The following PELI2 variants were observed in gnomAD, a reference collection of about 807,000 sequenced individuals.
PELI2 encodes the protein pellino E3 ubiquitin protein ligase family member 2.
In PELI2, 23 loss-of-function variants were observed where a neutral mutation model predicts 42.3. That is an observed-to-expected ratio of 0.54 (90% CI 0.39 to 0.77). The LOEUF (loss-of-function observed/expected upper bound fraction) is 0.77, where lower values mean the gene tolerates loss of function less well. PELI2 is among the 30% of genes least tolerant of loss of function. PELI2 has a pLI of 0.00. For missense variants in PELI2, 463 were observed against 553.2 expected (o/e 0.84, Z 1.64); for synonymous variants, 245 against 212.2 (o/e 1.15, Z -1.34).
chr14:56,211,111 A>G (rs1201789183), intron 2 of PELI2, among the ~76,000 whole-genome samples: 1 of 152,154 alleles, frequency 6.6e-6, no homozygotes, highest in African/African-American at 2.4e-5. Context: ...TACGCTGTCA[A>G]CTGAGAAGTG....
intron 2 of PELI2, among the ~76,000 whole-genome samples, chr14:56,254,232 C>G (rs2139820761): frequency 6.6e-6 from 1 of 152,268 alleles, no homozygotes; most frequent in Middle Eastern, 3.4e-3. Flanking sequence ...AACCCCGTCT[C>G]TACCAAATAT....
At position 56,209,578 on chromosome 14, in the gene PELI2, G is replaced by GT. The variant is rs1038248526; in HGVS notation, c.207+31120dup. On this transcript the variant is annotated intron_variant, in intron 2 of 5. Transcript: ENST00000267460. ...GGTAGTATGTATTGTGGTTACTATT[G>GT]TTTTTTGTAAGCGAATAAATGAATA... Among the ~76,000 whole-genome samples, 4 of 152,074 alleles carry GT rather than the reference G, an allele frequency of 2.6e-5. No homozygotes were observed. In the East Asian group the frequency reaches 5.8e-4, roughly 22 times the overall value.
At chr14:56,176,314 A>G (rs1885382831) in intron 1 of PELI2, among the ~76,000 whole-genome samples, 1 of 152,278 alleles carries the variant, frequency 6.6e-6, no homozygotes, top group African/African-American at 2.4e-5. Flanking sequence ...AGTTGTGCCA[A>G]ACCCCTCTCA....
At chr14:56,136,756 T>A (rs1388633415) in intron 1 of PELI2, among the ~76,000 whole-genome samples, 1 of 152,148 alleles carries the variant, frequency 6.6e-6, no homozygotes, top group Non-Finnish European at 1.5e-5. Context: ...TTCCTCTTTT[T>A]CTCCTCTTTC....
chr14:56,208,524 A>G (rs1332474546), intron 2 of PELI2, among the ~76,000 whole-genome samples: 1 of 152,262 alleles, frequency 6.6e-6, no homozygotes, highest in African/African-American at 2.4e-5. Context: ...AGTGGTGGGT[A>G]AAACTGCTGG....
intron 1 of PELI2, among the ~76,000 whole-genome samples, chr14:56,150,938 G>T (rs242407): frequency 0.075 from 11,445 of 152,240 alleles, 789 homozygotes; most frequent in East Asian, 0.28. Context: ...TGAGAAATCT[G>T]AAGTAACTTT....
chr14:56,276,507 C>A (rs1348805378), intron 2 of PELI2, among the ~76,000 whole-genome samples: 1 of 152,168 alleles, frequency 6.6e-6, no homozygotes, highest in Admixed American at 6.5e-5. Context: ...GACTCTTCTC[C>A]TGGCTTAGCA....
intron 2 of PELI2, among the ~76,000 whole-genome samples, chr14:56,252,558 T>A (rs1346758243): frequency 6.6e-6 from 1 of 152,068 alleles, no homozygotes; most frequent in Non-Finnish European, 1.5e-5. Context: ...ATTCAGAACA[T>A]GGACACATGG....
At chr14:56,170,720 A>G (rs1885135199) in intron 1 of PELI2, among the ~76,000 whole-genome samples, 1 of 152,210 alleles carries the variant, frequency 6.6e-6, no homozygotes, top group Admixed American at 6.5e-5. Context: ...TGAACTCTAA[A>G]CTATAAAACA....
intron 3 of PELI2, among the ~76,000 whole-genome samples, chr14:56,283,125 G>A (rs1334018136): frequency 1.3e-5 from 2 of 152,064 alleles, no homozygotes; most frequent in African/African-American, 4.8e-5. Flanking sequence ...CTTTAGCGAC[G>A]TACGTGTCAC....
intron 1 of PELI2, among the ~76,000 whole-genome samples, chr14:56,128,864 C>T (rs1883378440): frequency 6.6e-6 from 1 of 151,332 alleles, no homozygotes; most frequent in Non-Finnish European, 1.5e-5. Context: ...GTTTCGTGTA[C>T]AGTAGGGGAC....
intron 2 of PELI2, among the ~76,000 whole-genome samples, chr14:56,184,155 A>G (rs778573102): frequency 1.3e-5 from 2 of 152,106 alleles, no homozygotes; most frequent in Non-Finnish European, 2.9e-5. Context: ...GTTAATGGAC[A>G]TTGTTAAAAT....
chr14:56,193,457 C>T (rs1278501613), intron 2 of PELI2, among the ~76,000 whole-genome samples: 1 of 152,070 alleles, frequency 6.6e-6, no homozygotes, highest in Non-Finnish European at 1.5e-5. Context: ...AGGGAAGGGC[C>T]TACAGAAGGA....
At chr14:56,217,319 T>C (rs1026837891) in intron 2 of PELI2, among the ~76,000 whole-genome samples, 3 of 152,232 alleles carry the variant, frequency 2.0e-5, no homozygotes, top group African/African-American at 7.2e-5. Context: ...GGGCAGATCC[T>C]GTCTTCTGGG....
At chr14:56,184,514 G>A (rs1885699356) in intron 2 of PELI2, among the ~76,000 whole-genome samples, 1 of 151,938 alleles carries the variant, frequency 6.6e-6, no homozygotes, top group African/African-American at 2.4e-5. Flanking sequence ...TGAGAACTTG[G>A]CTAATTGTTG....
intron 2 of PELI2, among the ~76,000 whole-genome samples, chr14:56,178,759 A>C (rs1039971219): frequency 6.6e-5 from 10 of 152,222 alleles, no homozygotes; most frequent in Non-Finnish European, 1.3e-4. Context: ...AGGGCTGGGC[A>C]GGTAAAATCT....
At chr14:56,229,622 A>G (rs1210143694) in intron 2 of PELI2, among the ~76,000 whole-genome samples, 1 of 152,242 alleles carries the variant, frequency 6.6e-6, no homozygotes, top group Admixed American at 6.5e-5. Flanking sequence ...AAAGGTAGAT[A>G]AAACCAAAAA....
chr14:56,178,520 C>A (rs929672237), intron 2 of PELI2, 56 bp downstream of exon 2: 2 of 1,581,750 alleles, frequency 1.3e-6, no homozygotes, highest in African/African-American at 2.7e-5. Flanking sequence ...CTCACAGATA[C>A]TCCTTGTCCG....
chr14:56,155,871 A>G (rs751938387), intron 1 of PELI2, among the ~76,000 whole-genome samples: 3 of 152,190 alleles, frequency 2.0e-5, no homozygotes, highest in Non-Finnish European at 4.4e-5. Flanking sequence ...GGCGTGAGCC[A>G]CTGTGCCTGG....
Sources: gnomAD v4.1 joint callset for allele counts (sites outside exome capture counted in the v4.1 genomes callset) on GRCh38, gnomAD v4.1.1 for gene constraint, MANE v1.5 for transcripts, NCBI Gene and HGNC (gene_info 2026-07-23, HGNC 2026-07-21) for gene names.